The following HMGXB4 variants were observed in gnomAD, a reference collection of about 807,000 sequenced individuals.
The protein encoded by HMGXB4 is HMG domain-containing protein 4.
Under a neutral mutation model 63.9 loss-of-function variants are expected in HMGXB4, and 27 were observed. The observed-to-expected ratio is 0.42, with a 90% confidence interval of 0.31 to 0.58. The LOEUF (loss-of-function observed/expected upper bound fraction) is 0.58. Among genes scored for constraint, HMGXB4 ranks in the 20% least tolerant of loss-of-function variants. The pLI is 0.13. For synonymous variants in HMGXB4, 264 were observed against 265.3 expected (o/e 0.99, Z 0.05); for missense variants, 624 against 700.7 (o/e 0.89, Z 1.24).
chr22:35,283,923 ATCAAG>A, intron 5 of HMGXB4, 34 bp from the exon 6 acceptor site: 1 of 1,492,004 alleles, frequency 6.7e-7, no homozygotes, highest in Non-Finnish European at 9.4e-7. Flanking sequence ...CTGGGTTCTA[ATCAAG>A]TCTTACCCTG....
rs1319130722 is a variant in HMGXB4 at position 35,295,107 on chromosome 22, A to T, written c.*1456A>T. Reference sequence around the variant, plus strand: ...ATTTGGTATGAGATTCTCTGCCAACACCAAGCTCTGAGTTAACTGTGCTTT... The same window carrying T: ...ATTTGGTATGAGATTCTCTGCCAACTCCAAGCTCTGAGTTAACTGTGCTTT... On this transcript the variant is annotated 3_prime_UTR_variant, in exon 11 of 11. Coordinates refer to ENST00000216106, the MANE Select transcript of HMGXB4 (RefSeq NM_001003681.3). The T allele has an allele frequency of 7.6e-6, 1 of 131,810 alleles. No homozygotes were observed. The allele number at this position is 131,810 out of a possible 1,614,324, so 8.2% of individuals were successfully genotyped here.
At chr22:35,285,160 C>T (rs972053525) in intron 6 of HMGXB4, among the ~76,000 whole-genome samples, 5 of 152,192 alleles carry the variant, frequency 3.3e-5, no homozygotes, top group African/African-American at 9.7e-5. Context: ...AATCTCAGCA[C>T]TTTGGGAGGC....
intron 1 of HMGXB4, among the ~76,000 whole-genome samples, chr22:35,260,471 A>G (rs1462047137): frequency 1.3e-5 from 2 of 152,218 alleles, no homozygotes; most frequent in African/African-American, 4.8e-5. Context: ...GGAGGACAGT[A>G]GTTTCCGCTG....
chr22:35,262,347 G>T lies in HMGXB4; in HGVS notation c.-44G>T. ...GACCTGGTCCTGTAGACGGGAAGGA[G>T]CCTGGACACAGTGACACATTCTCAA... On this transcript the variant is annotated 5_prime_UTR_variant, in exon 2 of 11. Coordinates refer to ENST00000216106, the MANE Select transcript of HMGXB4 (RefSeq NM_001003681.3). 1.9e-6 allele frequency: 3 copies of T among 1,602,870 alleles called. No homozygotes were observed. Among genetic ancestry groups the T allele is most frequent in the Non-Finnish European group, 2.6e-6 (3 of 1,169,634 alleles).
At chr22:35,252,859 G>A (rs753075291), upstream of HMGXB4, among the ~76,000 whole-genome samples, 2 of 152,116 alleles carry the variant, frequency 1.3e-5, no homozygotes, top group Non-Finnish European at 2.9e-5. Context: ...GAAATTAGCT[G>A]GGCATGATGG....
In HMGXB4 at chr22:35,293,768, T is replaced by C; in HGVS notation, c.*117T>C. The C allele has an allele frequency of 1.6e-6, 1 of 620,130 alleles. No homozygotes were observed. The highest frequency in any genetic ancestry group is 2.9e-6 in the Non-Finnish European group (1 of 347,558). The allele number at this position is 620,130 out of a possible 1,614,324, so 38.4% of individuals were successfully genotyped here. On this transcript the variant is annotated 3_prime_UTR_variant, in exon 11 of 11. Transcript: ENST00000216106. The stretch of plus-strand genomic sequence containing the variant: ...TGTAGGTTTTAAATTTTTATATCTA[T>C]ACATACATATATACATATATATATA...
intron 5 of HMGXB4, among the ~76,000 whole-genome samples, chr22:35,282,520 G>C (rs1924331905): frequency 6.6e-6 from 1 of 152,170 alleles, no homozygotes; most frequent in South Asian, 2.1e-4. Flanking sequence ...ATGAAAGACG[G>C]AGAATCATAT....
At chr22:35,269,900 C>T (rs1923495713) in intron 5 of HMGXB4, among the ~76,000 whole-genome samples, 1 of 152,074 alleles carries the variant, frequency 6.6e-6, no homozygotes, top group Non-Finnish European at 1.5e-5. Flanking sequence ...ATCAGTTGAA[C>T]CCAGGAGTTC....
At chr22:35,260,932 G>A (rs1327394867) in intron 1 of HMGXB4, among the ~76,000 whole-genome samples, 1 of 152,112 alleles carries the variant, frequency 6.6e-6, no homozygotes, top group African/African-American at 2.4e-5. Flanking sequence ...ACAGCTACCT[G>A]AAGGAATTAG....
intron 5 of HMGXB4, among the ~76,000 whole-genome samples, 186 bp downstream of exon 5, chr22:35,265,789 C>CTT (rs769959544): frequency 7.1e-5 from 10 of 140,092 alleles, no homozygotes; most frequent in South Asian, 2.3e-4. Context: ...TAGAAGCAAT[C>CTT]TTTTTTTTTT....
chr22:35,286,364 G>C (rs1043576734), intron 7 of HMGXB4, among the ~76,000 whole-genome samples: 1 of 152,182 alleles, frequency 6.6e-6, no homozygotes, highest in Non-Finnish European at 1.5e-5. Flanking sequence ...TAAAATCAGA[G>C]CCCTTTACTG....
At chr22:35,292,907 T>G in intron 9 of HMGXB4, 85 bp from the exon 10 acceptor site, 1 of 1,518,926 alleles carries the variant, frequency 6.6e-7, no homozygotes, top group East Asian at 2.3e-5. Flanking sequence ...TAGAACTGCC[T>G]AGGATTTAAA....
At chr22:35,251,874 T>C in the HMGXB4 span, among the ~76,000 whole-genome samples, 1 of 152,144 alleles carries the variant, frequency 6.6e-6, no homozygotes, top group Admixed American at 6.5e-5. Context: ...TTGTTTTTGG[T>C]GTTTTGGTTT....
At chr22:35,271,501 T>G (rs1353942887) in intron 5 of HMGXB4, among the ~76,000 whole-genome samples, 1 of 152,242 alleles carries the variant, frequency 6.6e-6, no homozygotes, top group East Asian at 1.9e-4. Context: ...GAGCGTGGGC[T>G]GTGGAACCCA....
At chr22:35,283,760 A>T (rs1163906783) in intron 5 of HMGXB4, among the ~76,000 whole-genome samples, 2 of 151,712 alleles carry the variant, frequency 1.3e-5, no homozygotes, top group Admixed American at 6.6e-5. Context: ...ACTGCACTCC[A>T]GCCTGGGCGA....
intron 5 of HMGXB4, among the ~76,000 whole-genome samples, chr22:35,277,484 G>A (rs983421913): frequency 6.6e-6 from 1 of 152,144 alleles, no homozygotes; most frequent in African/African-American, 2.4e-5. Context: ...CAGTAGCTGG[G>A]ACTACAGGCA....
chr22:35,258,457 C>G (rs1392928465), intron 1 of HMGXB4: 1 of 152,176 alleles, frequency 6.6e-6, no homozygotes. Flanking sequence ...GATTGCTGGT[C>G]TTATGGAATG....
chr22:35,251,078 GTTTT>G, the HMGXB4 span, among the ~76,000 whole-genome samples: 1 of 145,182 alleles, frequency 6.9e-6, no homozygotes, highest in Admixed American at 6.9e-5. Context: ...CTTTCTTTCT[GTTTT>G]TTTTTTTTTT....
chr22:35,257,607 G>A (rs1407667874), intron 1 of HMGXB4, 50 bp downstream of exon 1: 2 of 152,462 alleles, frequency 1.3e-5, no homozygotes, highest in African/African-American at 4.8e-5. Context: ...CCCACCCTGA[G>A]GCGGCAGCAG....
Sources: allele counts gnomAD v4.1 joint callset (sites outside exome capture counted in the v4.1 genomes callset), GRCh38; gene constraint gnomAD v4.1.1; transcripts MANE v1.5; gene names NCBI Gene and HGNC (gene_info 2026-07-23, HGNC 2026-07-21).